Variants in CLHC1 observed in about 807,000 individuals in gnomAD.
The protein encoded by CLHC1 is clathrin heavy chain linker domain-containing protein 1.
CLHC1 carries 72 observed loss-of-function variants against 69.5 expected under a neutral mutation model. That is an observed-to-expected ratio of 1.04 (90% CI 0.86 to 1.26). CLHC1 has a LOEUF of 1.26. CLHC1 is among the 50% of genes most tolerant of loss of function. CLHC1 has a pLI of 0.00. For missense variants in CLHC1, 790 were observed against 679.3 expected (o/e 1.16, Z -1.81); for synonymous variants, 223 against 224.3 (o/e 0.99, Z 0.05).
chr2:55,187,407 G>A (rs1463956588), intron 9 of CLHC1, among the ~76,000 whole-genome samples: 2 of 152,114 alleles, frequency 1.3e-5, no homozygotes, highest in Non-Finnish European at 2.9e-5. Flanking sequence ...GGACTCAGAG[G>A]TTCCAGACCA....
rs1673067355 is a variant in CLHC1 at position 55,212,089 on chromosome 2, C to G, written c.499+584G>C. Among the ~76,000 whole-genome samples, 6 of 152,084 alleles carry G rather than the reference C, an allele frequency of 3.9e-5. No homozygotes were observed. In the South Asian group the frequency reaches 1.2e-3, roughly 32 times the overall value. Reference sequence around the variant, plus strand: ...CCCAGGAGTTTGAGACCAGCGTGGACAACATGATGAAACCTCATCTCCACT... The same window carrying G: ...CCCAGGAGTTTGAGACCAGCGTGGAGAACATGATGAAACCTCATCTCCACT... On this transcript the variant is annotated intron_variant, in intron 5 of 12. Coordinates refer to ENST00000401408, the MANE Select transcript of CLHC1 (RefSeq NM_152385.4).
intron 3 of CLHC1, among the ~76,000 whole-genome samples, chr2:55,221,748 T>C (rs1012855513): frequency 2.0e-5 from 3 of 152,086 alleles, no homozygotes; most frequent in Admixed American, 1.3e-4. Context: ...GAGGCCAAGA[T>C]AGGAGGATTG....
intron 9 of CLHC1, among the ~76,000 whole-genome samples, chr2:55,198,505 A>G (rs1671636512): frequency 2.0e-5 from 3 of 152,162 alleles, no homozygotes. Flanking sequence ...GAATCGCTTG[A>G]ACCCAGGAGG....
intron 11 of CLHC1, 94 bp from the exon 12 acceptor site, chr2:55,177,875 C>T (rs1669552642): frequency 1.1e-6 from 1 of 880,400 alleles, no homozygotes; most frequent in Non-Finnish European, 1.7e-6. Flanking sequence ...TGCCAATCAA[C>T]AGTTTTTCTA....
intron 9 of CLHC1, among the ~76,000 whole-genome samples, chr2:55,202,350 G>A (rs1357827789): frequency 1.3e-5 from 2 of 151,580 alleles, no homozygotes; most frequent in Admixed American, 1.3e-4. Context: ...GAGGTCAGGA[G>A]TTCGAGATCA....
At chr2:55,189,616 G>A (rs939561760) in intron 9 of CLHC1, among the ~76,000 whole-genome samples, 42 of 152,306 alleles carry the variant, frequency 2.8e-4, no homozygotes, top group African/African-American at 8.7e-4. Context: ...GGAGCTGGAA[G>A]TCTGGTGAGG....
chr2:55,206,238 TA>T, intron 9 of CLHC1, 31 bp downstream of exon 9: 1 of 1,245,506 alleles, frequency 8.0e-7, no homozygotes, highest in Non-Finnish European at 1.2e-6. Flanking sequence ...TAAATTTTCA[TA>T]CATATATAAG....
intron 9 of CLHC1, among the ~76,000 whole-genome samples, chr2:55,195,471 C>T (rs1364451401): frequency 6.6e-6 from 1 of 152,154 alleles, no homozygotes; most frequent in Non-Finnish European, 1.5e-5. Context: ...GAATAGAAGC[C>T]TCCAGTGATT....
At chr2:55,216,093 G>T (rs1388300833) in intron 4 of CLHC1, 1 of 142,392 alleles carries the variant, frequency 7.0e-6, no homozygotes, top group Non-Finnish European at 1.5e-5. Context: ...TGGCCAACGT[G>T]GTGAAACCCC....
At chr2:55,230,770 G>T (rs1174827783) in intron 1 of CLHC1, among the ~76,000 whole-genome samples, 1 of 152,206 alleles carries the variant, frequency 6.6e-6, no homozygotes, top group Non-Finnish European at 1.5e-5. Flanking sequence ...AAGATGAAAT[G>T]ACCATTGAAT....
chr2:55,205,752 G>C (rs1396807361), intron 9 of CLHC1: 1 of 152,226 alleles, frequency 6.6e-6, no homozygotes, highest in Non-Finnish European at 1.5e-5. Flanking sequence ...AAATTTAGAT[G>C]GGTGTGGTGG....
At chr2:55,220,022 A>G (rs1293173929) in intron 3 of CLHC1, among the ~76,000 whole-genome samples, 1 of 152,156 alleles carries the variant, frequency 6.6e-6, no homozygotes, top group Non-Finnish European at 1.5e-5. Flanking sequence ...GACATGAGCT[A>G]CTACACCTAG....
intron 4 of CLHC1, among the ~76,000 whole-genome samples, chr2:55,217,100 T>C (rs1190941648): frequency 4.0e-5 from 6 of 151,740 alleles, no homozygotes; most frequent in Non-Finnish European, 8.8e-5. Flanking sequence ...GAGGCTGAGG[T>C]GGGAGGATCA....
chr2:55,222,901 C>T (rs1171874133), intron 2 of CLHC1, among the ~76,000 whole-genome samples: 1 of 98,180 alleles, frequency 1.0e-5, no homozygotes. Flanking sequence ...GCCTGGGCAA[C>T]AAGAGCGAAA....
At chr2:55,190,907 A>G (rs781697987) in intron 9 of CLHC1, among the ~76,000 whole-genome samples, 2 of 152,180 alleles carry the variant, frequency 1.3e-5, no homozygotes, top group African/African-American at 2.4e-5. Context: ...GCATGAAAAT[A>G]AAACTATACT....
chr2:55,231,136 G>C (rs1336030698), intron 1 of CLHC1, among the ~76,000 whole-genome samples: 1 of 151,836 alleles, frequency 6.6e-6, no homozygotes, highest in Non-Finnish European at 1.5e-5. Context: ...TGTAATCCCA[G>C]CTACTCGGGA....
intron 12 of CLHC1, among the ~76,000 whole-genome samples, chr2:55,176,953 G>A (rs1046636225): frequency 2.6e-5 from 4 of 152,136 alleles, no homozygotes. Context: ...GCTCACTGTA[G>A]CCTTGAGCTC....
chr2:55,189,121 C>T (rs1367174164), intron 9 of CLHC1, among the ~76,000 whole-genome samples: 3 of 151,974 alleles, frequency 2.0e-5, no homozygotes, highest in Non-Finnish European at 4.4e-5. Context: ...CTCTAGCAAG[C>T]AGTGAATATT....
chr2:55,223,042 C>G (rs1162988949), intron 2 of CLHC1, among the ~76,000 whole-genome samples: 1 of 151,912 alleles, frequency 6.6e-6, no homozygotes, highest in African/African-American at 2.4e-5. Context: ...CACAACTCCT[C>G]TCACATGTAT....
Sources: gnomAD v4.1 joint callset for allele counts (sites outside exome capture counted in the v4.1 genomes callset) on GRCh38, gnomAD v4.1.1 for gene constraint, MANE v1.5 for transcripts, NCBI Gene and HGNC (gene_info 2026-07-23, HGNC 2026-07-21) for gene names.